The following IPCEF1 variants were observed in gnomAD, a reference collection of about 807,000 sequenced individuals.
IPCEF1 encodes the protein interaction protein for cytohesin exchange factors 1.
IPCEF1 carries 31 observed loss-of-function variants against 50.9 expected under a neutral mutation model. The ratio of observed to expected loss-of-function variants is 0.61; its 90% CI spans 0.46 to 0.82. The LOEUF is 0.82. Ranked by LOEUF, IPCEF1 falls within the 40% of genes least tolerant of loss-of-function variation. The probability of loss-of-function intolerance (pLI) is 0.00; values close to 1 mark genes in which losing one functional copy is unlikely to be tolerated. For missense variants in IPCEF1, 458 were observed against 514.0 expected (o/e 0.89, Z 1.05); for synonymous variants, 181 against 192.0 (o/e 0.94, Z 0.47).
At chr6:154,275,959 C>T (rs556589481) in intron 2 of IPCEF1, among the ~76,000 whole-genome samples, 6 of 152,200 alleles carry the variant, frequency 3.9e-5, no homozygotes, top group African/African-American at 1.2e-4. Context: ...GCGGGTGGAT[C>T]ACTTGAGGTC....
At chr6:154,181,005 T>C (rs1800824880) in intron 10 of IPCEF1, among the ~76,000 whole-genome samples, 1 of 152,144 alleles carries the variant, frequency 6.6e-6, no homozygotes, top group Non-Finnish European at 1.5e-5. Flanking sequence ...CATTTGGGTA[T>C]TTTGCATACC....
At chr6:154,339,774 T>C (rs1452650353) in intron 1 of IPCEF1, among the ~76,000 whole-genome samples, 2 of 152,062 alleles carry the variant, frequency 1.3e-5, no homozygotes, top group Non-Finnish European at 2.9e-5. Flanking sequence ...AAAAAATATT[T>C]TTGTAGAGAT....
In IPCEF1 at chr6:154,354,293, A is replaced by AC. The variant is rs1245647504; in HGVS notation, c.-62+2378dup. ...ACCTCTACTACCATCACCTCCAACC[A>AC]CCATCTCCGCCATCTGTACCATCAC... On this transcript the variant is annotated intron_variant, in intron 1 of 11. Transcript: ENST00000367220. 2.0e-5 allele frequency among the ~76,000 whole-genome samples: 3 copies of AC among 151,660 alleles called. No individual in the cohort carries two copies. The East Asian group carries it at 5.8e-4, about 29-fold the overall frequency.
At chr6:154,316,719 C>T (rs1281318736) in intron 1 of IPCEF1, among the ~76,000 whole-genome samples, 1 of 152,100 alleles carries the variant, frequency 6.6e-6, no homozygotes, top group East Asian at 1.9e-4. Context: ...CAGTTAATAA[C>T]GATGTATTGT....
intron 10 of IPCEF1, among the ~76,000 whole-genome samples, chr6:154,193,887 C>CA (rs1776366688): frequency 6.6e-6 from 1 of 152,052 alleles, no homozygotes; most frequent in African/African-American, 2.4e-5. Flanking sequence ...AAAAAGTGCT[C>CA]AAAAAACTGT....
intron 1 of IPCEF1, among the ~76,000 whole-genome samples, chr6:154,300,572 A>G (rs9479809): frequency 0.21 from 32,238 of 152,034 alleles, 3,710 homozygotes; most frequent in Non-Finnish European, 0.25. Flanking sequence ...TATGATGACA[A>G]CAGTGCACTC....
At chr6:154,201,424 A>C (rs1486554409) in intron 9 of IPCEF1, among the ~76,000 whole-genome samples, 1 of 152,128 alleles carries the variant, frequency 6.6e-6, no homozygotes, top group Admixed American at 6.5e-5. Flanking sequence ...AGATTCAGCA[A>C]CTCTGTCTTG....
intron 3 of IPCEF1, among the ~76,000 whole-genome samples, chr6:154,257,106 T>C (rs1276534330): frequency 1.3e-5 from 2 of 152,240 alleles, no homozygotes; most frequent in Non-Finnish European, 2.9e-5. Context: ...AACATCTGTA[T>C]ATCCTGTCAC....
At chr6:154,220,487 A>G (rs790264) in intron 7 of IPCEF1, among the ~76,000 whole-genome samples, 79,838 of 151,918 alleles carry the variant, frequency 0.53, 21,879 homozygotes, top group African/African-American at 0.66. Context: ...TGAAACCCAC[A>G]AGAAACACAA....
intron 5 of IPCEF1, among the ~76,000 whole-genome samples, chr6:154,234,548 C>T (rs1463446972): frequency 6.6e-6 from 1 of 152,222 alleles, no homozygotes; most frequent in Non-Finnish European, 1.5e-5. Context: ...ACAACAATCC[C>T]TCCTTACTAT....
intron 3 of IPCEF1, among the ~76,000 whole-genome samples, chr6:154,265,421 C>T (rs997435151): frequency 2.0e-5 from 3 of 151,602 alleles, no homozygotes; most frequent in Admixed American, 1.3e-4. Flanking sequence ...ACTGGGATTA[C>T]AGGCGCACAC....
intron 1 of IPCEF1, among the ~76,000 whole-genome samples, chr6:154,322,782 A>G (rs1047568329): frequency 6.6e-6 from 1 of 152,088 alleles, no homozygotes; most frequent in Non-Finnish European, 1.5e-5. Context: ...GGTTGCAGTG[A>G]GCCGAGATTA....
In IPCEF1 at chr6:154,247,468, C is replaced by G; in HGVS notation, c.57G>C (p.Lys19Asn). The change falls in exon 4 of 12, where the codon AAG becomes AAC. Residue 19 changes from lysine (K) to asparagine (N), a missense_variant. By Grantham distance (94) the Lys-to-Asn change is moderately conservative. Coordinates refer to ENST00000367220, the MANE Select transcript of IPCEF1 (RefSeq NM_001130700.2). ...AATTACCTTGAGTTTTCCTCCTGGG[C>G]TTCTGACGCAAGGGAACCTGCTGAA... is the stretch of plus-strand genomic sequence containing the variant. ...GSALQVPLRQ[K>N]PRRKTQGFLT... is the part of the protein sequence containing the mutation. 1 of 1,612,282 alleles carries G rather than the reference C, an allele frequency of 6.2e-7. No homozygotes were observed. The highest frequency in any genetic ancestry group is 8.5e-7 in the Non-Finnish European group (1 of 1,178,676).
At chr6:154,204,718 C>T (rs569675325) in intron 9 of IPCEF1, among the ~76,000 whole-genome samples, 2 of 152,234 alleles carry the variant, frequency 1.3e-5, no homozygotes, top group Admixed American at 6.5e-5. Flanking sequence ...CTTATCAGTG[C>T]CCCCCATCCC....
chr6:154,328,078 G>T (rs895110088), intron 1 of IPCEF1, among the ~76,000 whole-genome samples: 2 of 152,140 alleles, frequency 1.3e-5, no homozygotes, highest in Non-Finnish European at 2.9e-5. Flanking sequence ...GGGTGGTTGG[G>T]GGAGGGGGAG....
chr6:154,309,652 T>G (rs1342957402), intron 1 of IPCEF1, among the ~76,000 whole-genome samples: 1 of 152,200 alleles, frequency 6.6e-6, no homozygotes, highest in East Asian at 1.9e-4. Flanking sequence ...GCCCTGTATC[T>G]TTAGACAATT....
chr6:154,182,166 G>C (rs1321132212), intron 10 of IPCEF1, among the ~76,000 whole-genome samples: 1 of 152,174 alleles, frequency 6.6e-6, no homozygotes, highest in Non-Finnish European at 1.5e-5. Context: ...TTTTACTTGT[G>C]CTCTCATGAA....
chr6:154,214,381 G>C (rs1428318115), intron 7 of IPCEF1, 105 bp from the exon 8 acceptor site: 7 of 821,148 alleles, frequency 8.5e-6, no homozygotes, highest in Non-Finnish European at 1.5e-5. Context: ...TCTACCATCA[G>C]TCTGCACATT....
intron 9 of IPCEF1, among the ~76,000 whole-genome samples, chr6:154,202,570 T>C (rs1245194440): frequency 6.6e-6 from 1 of 152,138 alleles, no homozygotes; most frequent in East Asian, 1.9e-4. Context: ...AAATAAGCTT[T>C]TCCTCTTACT....
Sources: allele counts gnomAD v4.1 joint callset (sites outside exome capture counted in the v4.1 genomes callset), GRCh38; gene constraint gnomAD v4.1.1; transcripts MANE v1.5; gene names NCBI Gene and HGNC (gene_info 2026-07-23, HGNC 2026-07-21).